ASIC2: variants seen among roughly 807,000 people sequenced by gnomAD.
ASIC2 encodes the protein acid sensing ion channel subunit 2.
A neutral mutation model predicts 57.3 loss-of-function variants in ASIC2; 25 were observed. The ratio of observed to expected loss-of-function variants is 0.44; its 90% CI spans 0.32 to 0.61. The LOEUF is 0.61. ASIC2 is among the 20% of genes least tolerant of loss of function. The probability of loss-of-function intolerance (pLI) is 0.06; values close to 1 mark genes in which losing one functional copy is unlikely to be tolerated. For synonymous variants in ASIC2, 319 were observed against 307.5 expected, an observed-to-expected ratio of 1.04 and a Z score of -0.39; for missense variants, 641 against 738.1, an observed-to-expected ratio of 0.87 and a Z score of 1.52.
At chr17:33,298,108 ATTAT>A (rs754325597), upstream of ASIC2, among the ~76,000 whole-genome samples, 1 of 149,692 alleles carries the variant, frequency 6.7e-6, no homozygotes, top group East Asian at 2.0e-4. Context: ...ATACCTTTTT[ATTAT>A]TTATTTATTT....
intron 1 of ASIC2, among the ~76,000 whole-genome samples, chr17:33,661,118 G>C (rs924541031): frequency 6.6e-6 from 1 of 152,148 alleles, no homozygotes; most frequent in East Asian, 1.9e-4. Flanking sequence ...CTCTGCCCCC[G>C]CTGCTGTCTT....
intron 1 of ASIC2, among the ~76,000 whole-genome samples, chr17:33,324,505 G>A (rs1906991063): frequency 1.3e-5 from 2 of 152,096 alleles, no homozygotes; most frequent in African/African-American, 4.8e-5. Context: ...CAAATATGAG[G>A]AGGCATTGTA....
At chr17:33,436,853 C>CTTTT (rs71144877) in intron 1 of ASIC2, among the ~76,000 whole-genome samples, 1,020 of 66,438 alleles carry the variant, frequency 0.015, 90 homozygotes, top group African/African-American at 0.046. Flanking sequence ...ATTCCAACTT[C>CTTTT]TTTTTTTTTT....
intron 1 of ASIC2, among the ~76,000 whole-genome samples, chr17:33,587,168 G>A (rs1484818337): frequency 6.6e-6 from 1 of 152,168 alleles, no homozygotes; most frequent in Admixed American, 6.5e-5. Flanking sequence ...TGCTACCATG[G>A]CAGAGTTGAG....
chr17:33,757,226 A>T (rs988779991), intron 1 of ASIC2, among the ~76,000 whole-genome samples: 12 of 152,304 alleles, frequency 7.9e-5, no homozygotes, highest in African/African-American at 2.4e-4. Flanking sequence ...CTTTGCTGTC[A>T]TTGTACTACT....
chr17:33,397,215 T>G (rs1178771811), intron 1 of ASIC2, among the ~76,000 whole-genome samples: 3 of 152,156 alleles, frequency 2.0e-5, no homozygotes, highest in Admixed American at 2.0e-4. Flanking sequence ...CAGAGGGGAC[T>G]CCCAACCCTA....
At chr17:33,729,859 A>C (rs546215027) in intron 1 of ASIC2, among the ~76,000 whole-genome samples, 1 of 152,326 alleles carries the variant, frequency 6.6e-6, no homozygotes, top group East Asian at 1.9e-4. Context: ...CAATGAAGTT[A>C]AGAAGTTAAC....
Position 33,385,798 on chromosome 17 carries a change from T to A in ASIC2, c.556-273731A>T, listed in dbSNP as rs149430463. On this transcript the variant is annotated intron_variant, in intron 1 of 9. Transcript: ENST00000359872. ...AAAGACACAAACTCTGCAGTTTGTG[T>A]CTGCAAAGACTGGGTGGAATGGGCA... is the stretch of plus-strand genomic sequence containing the variant. 2.7e-3 allele frequency among the ~76,000 whole-genome samples: 409 copies of A among 152,238 alleles called. 1 individual carries two copies. The highest frequency in any genetic ancestry group is 4.5e-3 in the Non-Finnish European group (305 of 68,014).
At chr17:33,838,566 A>G (rs1279331271) in intron 1 of ASIC2, among the ~76,000 whole-genome samples, 1 of 152,220 alleles carries the variant, frequency 6.6e-6, no homozygotes, top group African/African-American at 2.4e-5. Flanking sequence ...ATCAGGAGTC[A>G]GGCTATCTCA....
chr17:33,527,673 G>C (rs1219212737), intron 1 of ASIC2, among the ~76,000 whole-genome samples: 1 of 152,124 alleles, frequency 6.6e-6, no homozygotes, highest in African/African-American at 2.4e-5. Flanking sequence ...ACACATGCAT[G>C]GTATCTGTGG....
At chr17:34,084,300 G>A (rs544510679) in intron 1 of ASIC2, among the ~76,000 whole-genome samples, 91 of 152,212 alleles carry the variant, frequency 6.0e-4, no homozygotes, top group African/African-American at 2.1e-3. Flanking sequence ...ATTAAATAGG[G>A]AATCCTTTCC....
At chr17:34,150,028 A>G (rs1374809249) in intron 1 of ASIC2, among the ~76,000 whole-genome samples, 1 of 152,244 alleles carries the variant, frequency 6.6e-6, no homozygotes, top group Non-Finnish European at 1.5e-5. Flanking sequence ...TTTGTGATAT[A>G]TATACACAAT....
intron 1 of ASIC2, among the ~76,000 whole-genome samples, chr17:34,114,235 A>G (rs1429480229): frequency 1.3e-5 from 2 of 152,230 alleles, no homozygotes; most frequent in African/African-American, 4.8e-5. Context: ...AAACCTGAAC[A>G]GGATTAGGAA....
intron 1 of ASIC2, among the ~76,000 whole-genome samples, chr17:34,091,501 C>T (rs1429402889): frequency 6.6e-6 from 1 of 152,232 alleles, no homozygotes; most frequent in Non-Finnish European, 1.5e-5. Context: ...CATTATGCAG[C>T]CAGGAACTGG....
At chr17:33,051,286 G>T (rs1485737459) in intron 3 of ASIC2, among the ~76,000 whole-genome samples, 2 of 152,162 alleles carry the variant, frequency 1.3e-5, no homozygotes, top group African/African-American at 4.8e-5. Flanking sequence ...GGTACAGTTT[G>T]AATGAGAACC....
chr17:34,065,937 T>C (rs932689281), intron 1 of ASIC2, among the ~76,000 whole-genome samples: 3 of 152,096 alleles, frequency 2.0e-5, no homozygotes, highest in Admixed American at 1.3e-4. Context: ...AGAAACTTAT[T>C]TAATCCACCA....
At chr17:33,075,153 C>T (rs1391999224) in intron 3 of ASIC2, among the ~76,000 whole-genome samples, 1 of 152,150 alleles carries the variant, frequency 6.6e-6, no homozygotes, top group Non-Finnish European at 1.5e-5. Context: ...GGAGCGGTTT[C>T]CTCCATACTG....
intron 1 of ASIC2, among the ~76,000 whole-genome samples, chr17:33,477,952 C>G (rs910703615): frequency 1.3e-5 from 2 of 152,152 alleles, no homozygotes; most frequent in Admixed American, 1.3e-4. Flanking sequence ...GGAAAAGTAG[C>G]CTGGGATGAA....
intron 1 of ASIC2, among the ~76,000 whole-genome samples, chr17:33,307,388 C>T (rs1269716243): frequency 6.6e-6 from 1 of 152,074 alleles, no homozygotes; most frequent in African/African-American, 2.4e-5. Flanking sequence ...CTCATCACTG[C>T]AACCTCCACC....
Sources: allele counts gnomAD v4.1 joint callset (sites outside exome capture counted in the v4.1 genomes callset), GRCh38; gene constraint gnomAD v4.1.1; transcripts MANE v1.5; gene names NCBI Gene and HGNC (gene_info 2026-07-23, HGNC 2026-07-21).